The following RAPH1 variants were observed in gnomAD, a reference collection of about 807,000 sequenced individuals.
The protein encoded by RAPH1 is ras-associated and pleckstrin homology domains-containing protein 1.
RAPH1 carries 18 observed loss-of-function variants against 88.1 expected under a neutral mutation model. The ratio of observed to expected loss-of-function variants is 0.20; its 90% CI spans 0.14 to 0.30. The LOEUF is 0.30. Among genes scored for constraint, RAPH1 ranks in the 10% least tolerant of loss-of-function variants. The probability of loss-of-function intolerance (pLI) is 1.00; values close to 1 mark genes in which losing one functional copy is unlikely to be tolerated. For synonymous variants in RAPH1, 587 were observed against 559.0 expected (o/e 1.05, Z -0.71); for missense variants, 1,448 against 1,543.2 (o/e 0.94, Z 1.03).
intron 1 of RAPH1, among the ~76,000 whole-genome samples, chr2:203,513,196 A>C (rs1689431579): frequency 6.8e-6 from 1 of 146,586 alleles, no homozygotes. Flanking sequence ...CACTTTCTTA[A>C]TCTGCAGAAA....
At chr2:203,513,279 G>T (rs1689438649) in intron 1 of RAPH1, among the ~76,000 whole-genome samples, 1 of 147,816 alleles carries the variant, frequency 6.8e-6, no homozygotes, top group Admixed American at 6.7e-5. Flanking sequence ...TTCTATTTTT[G>T]TCTGAATTTC....
At chr2:203,530,786 G>A (rs1690354933) in intron 1 of RAPH1, among the ~76,000 whole-genome samples, 1 of 152,032 alleles carries the variant, frequency 6.6e-6, no homozygotes, top group Non-Finnish European at 1.5e-5. Flanking sequence ...CAGCTACTCG[G>A]GAGGCTGAGG....
chr2:203,512,060 C>T (rs578233453), intron 1 of RAPH1, among the ~76,000 whole-genome samples: 2 of 151,898 alleles, frequency 1.3e-5, no homozygotes, highest in East Asian at 3.9e-4. Flanking sequence ...TTGCAGAGAG[C>T]CGAGATCGCA....
At chr2:203,467,329 G>A (rs780146171) in intron 4 of RAPH1, among the ~76,000 whole-genome samples, 108 of 152,140 alleles carry the variant, frequency 7.1e-4, no homozygotes, top group Admixed American at 9.8e-4. Flanking sequence ...GGTGGCTCAC[G>A]CCTATAATCC....
chr2:203,521,179 G>A (rs772291644), intron 1 of RAPH1, among the ~76,000 whole-genome samples: 4 of 151,978 alleles, frequency 2.6e-5, no homozygotes, highest in South Asian at 2.1e-4. Context: ...TCAGCCTCCC[G>A]AGTAGCTGGA....
At chr2:203,501,020 C>T (rs1232350140) in intron 1 of RAPH1, among the ~76,000 whole-genome samples, 1 of 152,102 alleles carries the variant, frequency 6.6e-6, no homozygotes, top group Non-Finnish European at 1.5e-5. Flanking sequence ...TAAAGAAAAA[C>T]ATGCACTAGA....
Position 203,440,060 on chromosome 2 carries a change from CTTG to C in RAPH1, c.3127_3129del (p.Gln1043del). The C allele has an allele frequency of 6.2e-7, 1 of 1,613,646 alleles. No homozygotes were observed. The highest frequency in any genetic ancestry group is 8.5e-7 in the Non-Finnish European group (1 of 1,180,002). On this transcript the variant is annotated inframe_deletion, in exon 14 of 14. Coordinates refer to ENST00000319170, the MANE Select transcript of RAPH1 (RefSeq NM_213589.3). ...ACAGGGGCTTTTGCTGACACACACC[CTTG>C]TTGGAGAACTCCAGGAAGGTTGACT...
chr2:203,480,006 A>G (rs1687649229), intron 4 of RAPH1, among the ~76,000 whole-genome samples: 1 of 152,194 alleles, frequency 6.6e-6, no homozygotes, highest in African/African-American at 2.4e-5. Context: ...AATGAATTTA[A>G]AGGTCAATTC....
In RAPH1 at chr2:203,481,702, C is replaced by T. The variant is rs1687731892; in HGVS notation, c.732+7882G>A. On this transcript the variant is annotated intron_variant, in intron 4 of 13. Coordinates refer to ENST00000319170, the MANE Select transcript of RAPH1 (RefSeq NM_213589.3). The stretch of plus-strand genomic sequence containing the variant: ...CACCTCCTAGATTCAAGTGATTCTC[C>T]TGCCTCAGCCTCCCGAGTAGCTGGA... 4.0e-5 allele frequency among the ~76,000 whole-genome samples: 6 copies of T among 150,446 alleles called. 1 individual carries two copies. In the South Asian group the frequency reaches 1.3e-3, roughly 32 times the overall value.
chr2:203,513,065 T>C (rs2105931332), intron 1 of RAPH1, among the ~76,000 whole-genome samples: 1 of 152,270 alleles, frequency 6.6e-6, no homozygotes, highest in Middle Eastern at 3.4e-3. Flanking sequence ...TAATAAACAG[T>C]TTGCCAGATC....
rs1378152220 is a variant in RAPH1 at position 203,506,892 on chromosome 2, A to AT, written c.1-11540dup. 1.2e-3 allele frequency among the ~76,000 whole-genome samples: 125 copies of AT among 102,822 alleles called. 11 individuals are homozygous for AT. Among genetic ancestry groups the AT allele is most frequent in the African/African-American group, 6.2e-3 (116 of 18,672 alleles). 67.5% of individuals were successfully genotyped at this position (102,822 alleles called of 152,430 possible). Reference sequence around the variant, plus strand: ...TATATATATATATAGATATATATATATATATATTTTTTTTTTTTTTGAGAT... The same window carrying AT: ...TATATATATATATAGATATATATATATTATATATTTTTTTTTTTTTTGAGAT... On this transcript the variant is annotated intron_variant, in intron 1 of 13. Transcript: ENST00000319170.
At chr2:203,516,267 T>A (rs1315607438) in intron 1 of RAPH1, among the ~76,000 whole-genome samples, 1 of 152,030 alleles carries the variant, frequency 6.6e-6, no homozygotes, top group Non-Finnish European at 1.5e-5. Flanking sequence ...ATACAACTGA[T>A]ACACTAAGAA....
chr2:203,461,041 A>C (rs2098523814), intron 6 of RAPH1, among the ~76,000 whole-genome samples: 1 of 152,024 alleles, frequency 6.6e-6, no homozygotes, highest in Admixed American at 6.6e-5. Flanking sequence ...GCTTGAACCC[A>C]GGAGGCAGAG....
intron 4 of RAPH1, among the ~76,000 whole-genome samples, chr2:203,463,028 CG>C (rs369292434): frequency 3.4e-3 from 509 of 151,616 alleles, no homozygotes; most frequent in Non-Finnish European, 5.2e-3. Flanking sequence ...GGTGAAACCC[CG>C]TCTCTAACTA....
intron 1 of RAPH1, among the ~76,000 whole-genome samples, chr2:203,511,834 AGGCACGGT>A (rs1439660778): frequency 6.6e-6 from 1 of 152,172 alleles, no homozygotes; most frequent in African/African-American, 2.4e-5. Flanking sequence ...AGAATCGGCC[AGGCACGGT>A]GGCTCATGCC....
intron 1 of RAPH1, among the ~76,000 whole-genome samples, chr2:203,518,543 A>AC (rs1458600244): frequency 2.7e-5 from 4 of 150,578 alleles, no homozygotes; most frequent in African/African-American, 4.9e-5. Context: ...AAAAAACAAA[A>AC]AAAAAACAAA....
Position 203,440,615 on chromosome 2 carries a change from G to A in RAPH1, c.2575C>T (p.Pro859Ser), listed in dbSNP as rs748960426. ...CTGGCTATCTGCTTCACGACCGAGG[G>A]CACCGGTGACAGTGGAGAGGGAGGG... Reference protein sequence around the residue: ...KPPPSPLSPVPSVVKQIASQF... With the variant: ...KPPPSPLSPVSSVVKQIASQF... The change falls in exon 14 of 14, where the codon CCC (proline) becomes TCC (serine). Residue 859 changes from proline to serine, a missense_variant. Around this residue, in one of 2 missense-constraint regions of RAPH1, gnomAD observed 935 missense variants for 890.1 expected, o/e 1.05. Coordinates refer to ENST00000319170, the MANE Select transcript of RAPH1 (RefSeq NM_213589.3). The A allele has an allele frequency of 3.2e-6, 5 of 1,555,234 alleles. No homozygotes were observed. The East Asian group carries it at 9.0e-5, about 28-fold the overall frequency.
rs1039710949 is a variant in RAPH1, at chr2:203,440,116, G to C, written c.3074C>G (p.Pro1025Arg). 6.2e-6 allele frequency: 10 copies of C among 1,613,390 alleles called. No individual in the cohort carries two copies. In the African/African-American group the frequency reaches 9.3e-5, roughly 15 times the overall value. ...KETLPPPAAP[P>R]KPGKLNLSGV... ...AGAAAGATTGAGTTTTCCAGGCTTG[G>C]GGGGTGCTGCAGGAGGTGGTAGGGT... The change falls in exon 14 of 14, where the codon CCC (proline) becomes CGC (arginine). Residue 1025 changes from proline to arginine, a missense_variant. Transcript: ENST00000319170.
At chr2:203,471,682 A>T (rs1346928679) in intron 4 of RAPH1, among the ~76,000 whole-genome samples, 1 of 152,204 alleles carries the variant, frequency 6.6e-6, no homozygotes, top group Non-Finnish European at 1.5e-5. Context: ...CATGTTACAG[A>T]AGACAATATA....
Sources: gnomAD v4.1 joint callset for allele counts (sites outside exome capture counted in the v4.1 genomes callset) on GRCh38, gnomAD v4.1.1 for gene constraint, gnomAD v4.1.1 regional missense constraint, MANE v1.5 for transcripts, NCBI Gene and HGNC (gene_info 2026-07-23, HGNC 2026-07-21) for gene names.